PARP4: variants seen among roughly 807,000 people sequenced by gnomAD.
PARP4 encodes protein mono-ADP-ribosyltransferase PARP4.
Under a neutral mutation model 187.7 loss-of-function variants are expected in PARP4, and 120 were observed. That is an observed-to-expected ratio of 0.64 (90% confidence interval 0.55 to 0.74). PARP4 has a LOEUF of 0.74. Ranked by LOEUF, PARP4 falls within the 30% of genes least tolerant of loss-of-function variation. PARP4 has a pLI of 0.00. For synonymous variants in PARP4, 654 were observed against 740.9 expected, an observed-to-expected ratio of 0.88 and a Z score of 1.90; for missense variants, 1,836 against 2,070.5, an observed-to-expected ratio of 0.89 and a Z score of 2.20.
intron 33 of PARP4, among the ~76,000 whole-genome samples, chr13:24,421,620 C>T (rs1288468770): frequency 5.9e-5 from 9 of 151,902 alleles, no homozygotes; most frequent in South Asian, 2.1e-4. Context: ...CCCCTTTCCA[C>T]GCTTCTCAGT....
In PARP4 at chr13:24,431,457, G is replaced by GT; in HGVS notation, c.4765dup (p.Thr1589AsnfsTer11). Reference sequence around the variant, plus strand: ...ATTTAATATAAGTCCCAGTTCTGGTGTAAGTTTCCAGAAGCCATCCTACAA... The same window carrying GT: ...ATTTAATATAAGTCCCAGTTCTGGTGTTAAGTTTCCAGAAGCCATCCTACAA... On this transcript the variant is annotated frameshift_variant, in exon 32 of 34. Coordinates refer to ENST00000381989, the MANE Select transcript of PARP4 (RefSeq NM_006437.4). LOFTEE classifies it high-confidence loss of function. The GT allele has an allele frequency of 2.5e-6, 4 of 1,587,128 alleles. No individual in the cohort carries two copies. The highest frequency in any genetic ancestry group is 3.4e-6 in the Non-Finnish European group (4 of 1,169,522).
intron 30 of PARP4, among the ~76,000 whole-genome samples, chr13:24,440,345 T>C (rs1394823176): frequency 2.1e-5 from 3 of 143,114 alleles, no homozygotes; most frequent in Non-Finnish European, 3.0e-5. Flanking sequence ...TTGCAGTGAA[T>C]TGAGATCATG....
chr13:24,508,447 T>C (rs763815938), intron 1 of PARP4, among the ~76,000 whole-genome samples: 8 of 152,108 alleles, frequency 5.3e-5, no homozygotes, highest in Non-Finnish European at 8.8e-5. Flanking sequence ...AACAAAAAAA[T>C]CTCAAAACCT....
chr13:24,443,109 C>A (rs991543154), intron 28 of PARP4, among the ~76,000 whole-genome samples: 9 of 150,672 alleles, frequency 6.0e-5, no homozygotes, highest in African/African-American at 9.8e-5. Flanking sequence ...CCAGGGCCTG[C>A]TGTCACCTTC....
At position 24,455,155 on chromosome 13, in the gene PARP4, C is replaced by T. The variant is rs765565657; in HGVS notation, c.2620G>A (p.Glu874Lys). The T allele has an allele frequency of 3.7e-6, 6 of 1,611,630 alleles. No individual in the cohort carries two copies. Among genetic ancestry groups the T allele is most frequent in the African/African-American group, 1.3e-5 (1 of 75,004 alleles). Residue 874 changes from glutamate (E) to lysine (K), a missense_variant, in exon 22 of 34, where the codon GAG becomes AAG. By Grantham distance (56) the Glu-to-Lys change is moderately conservative. Coordinates refer to ENST00000381989, the MANE Select transcript of PARP4 (RefSeq NM_006437.4). ...LDVDLPDLAS[E>K]SEVIICLDCS... ...TCAAGACAAATAATCACTTCGCTCT[C>T]ACTGGCTAGGTCAGGGAGGTCGACA...
chr13:24,479,513 T>G (rs1341690999), intron 12 of PARP4, among the ~76,000 whole-genome samples: 2 of 152,154 alleles, frequency 1.3e-5, no homozygotes, highest in Non-Finnish European at 2.9e-5. Context: ...CAGCACCCTG[T>G]GTCTAGCTCA....
intron 33 of PARP4, among the ~76,000 whole-genome samples, chr13:24,425,924 G>A (rs4770668): frequency 0.94 from 142,740 of 152,108 alleles, 67,104 homozygotes; most frequent in East Asian, 0.99. Flanking sequence ...TTAGGGTGCT[G>A]GGGGTCAACC....
At chr13:24,439,304 G>C (rs7989499) in intron 30 of PARP4, among the ~76,000 whole-genome samples, 7,627 of 145,648 alleles carry the variant, frequency 0.052, 556 homozygotes, top group African/African-American at 0.17. Flanking sequence ...TCCAGCCTGG[G>C]CAACAGAGTA....
intron 2 of PARP4, among the ~76,000 whole-genome samples, chr13:24,502,955 C>T (rs916654233): frequency 4.6e-5 from 7 of 152,170 alleles, no homozygotes; most frequent in African/African-American, 1.7e-4. Flanking sequence ...GGTGAGTCAG[C>T]TCATCAATTC....
rs200648886 is a variant in PARP4 at position 24,435,147 on chromosome 13, G to C, written c.3994C>G (p.Arg1332Gly). 4.3e-5 allele frequency: 70 copies of C among 1,614,154 alleles called. No individual in the cohort carries two copies. The East Asian group carries it at 1.3e-3, about 30-fold the overall frequency. Residue 1332 changes from arginine to glycine, a missense_variant, in exon 31 of 34, where the codon CGC becomes GGC. Transcript: ENST00000381989. ...GACAAGGAAGCAGGACTGTGAGCGC[G>C]GGCAGTCGGGGGAAGATAGGAACCA... is the stretch of plus-strand genomic sequence containing the variant. ...AVGSYLPPTA[R>G]AHSPASLSFA...
rs1198024728 is a variant in PARP4 at position 24,477,314 on chromosome 13, T to TA, written c.1789+386dup. Among the ~76,000 whole-genome samples the TA allele has an allele frequency of 2.5e-4, 37 of 147,764 alleles. 1 individual carries two copies. Among genetic ancestry groups the TA allele is most frequent in the Middle Eastern group, 3.5e-3 (1 of 286 alleles). ...AAGCAACATAGTGAGAATTTGTCTC[T>TA]AAAAAAAAAAGTCACGGATGGTAGT... On this transcript the variant is annotated intron_variant, in intron 14 of 33. Transcript: ENST00000381989.
chr13:24,432,171 G>A (rs901425620), intron 31 of PARP4, among the ~76,000 whole-genome samples: 3 of 151,088 alleles, frequency 2.0e-5, no homozygotes, highest in Non-Finnish European at 2.9e-5. Flanking sequence ...GGGTGTTTAG[G>A]ATCTCCATCA....
intron 30 of PARP4, among the ~76,000 whole-genome samples, chr13:24,438,856 G>T (rs1232124279): frequency 2.0e-5 from 3 of 152,218 alleles, no homozygotes. Flanking sequence ...TGCGGCTGGC[G>T]TGTTACTGAA....
chr13:24,441,748 T>G, intron 30 of PARP4, 98 bp downstream of exon 30: 1 of 1,074,476 alleles, frequency 9.3e-7, no homozygotes, highest in Non-Finnish European at 1.4e-6. Flanking sequence ...AACTTCTTCA[T>G]GTACAGGTAA....
chr13:24,471,020 G>A (rs1807111), intron 15 of PARP4, among the ~76,000 whole-genome samples: 11,988 of 152,210 alleles, frequency 0.079, 647 homozygotes, highest in Non-Finnish European at 0.12. Context: ...GCAAACGTGC[G>A]TCCTGGAGTT....
chr13:24,484,579 C>T, intron 12 of PARP4, 74 bp downstream of exon 12: 2 of 1,000,474 alleles, frequency 2.0e-6, no homozygotes, highest in Admixed American at 3.5e-5. Flanking sequence ...GAGAAACTCC[C>T]TCACCAAGGA....
At chr13:24,446,613 A>C (rs1292104763) in intron 27 of PARP4, 68 bp downstream of exon 27, 1 of 1,056,612 alleles carries the variant, frequency 9.5e-7, no homozygotes, top group Non-Finnish European at 1.5e-6. Flanking sequence ...GACATAGAGC[A>C]TTATATATGG....
intron 3 of PARP4, 68 bp downstream of exon 3, chr13:24,501,565 T>C (rs2137544019): frequency 9.6e-7 from 1 of 1,037,122 alleles, no homozygotes; most frequent in Non-Finnish European, 1.5e-6. Context: ...GCCTATGGTA[T>C]CTTTGACAAA....
In PARP4 at chr13:24,424,836, G is replaced by A. The variant is rs1230825935; in HGVS notation, c.4979+1630C>T. Among the ~76,000 whole-genome samples, 249 of 122,582 alleles carry A rather than the reference G, an allele frequency of 2.0e-3. 3 individuals are homozygous for A. The East Asian group carries it at 0.024, about 12-fold the overall frequency. 80.4% of individuals were successfully genotyped at this position (122,582 alleles called of 152,430 possible). A position where few individuals can be genotyped will look rare whatever the true frequency, so the allele number is the denominator to read the frequency against. On this transcript the variant is annotated intron_variant, in intron 33 of 33. Coordinates refer to ENST00000381989, the MANE Select transcript of PARP4 (RefSeq NM_006437.4). ...ACAGGCACCCGCCATCACACCTGGC[G>A]AATTTTTTTTTTTTTTTGTATTTTT...
Sources: allele counts gnomAD v4.1 joint callset (sites outside exome capture counted in the v4.1 genomes callset), GRCh38; gene constraint gnomAD v4.1.1; transcripts MANE v1.5; gene names NCBI Gene and HGNC (gene_info 2026-07-23, HGNC 2026-07-21).